Variants in PACSIN2 observed in about 807,000 individuals in gnomAD.
The protein encoded by PACSIN2 is protein kinase C and casein kinase substrate in neurons 2, also known as protein kinase C and casein kinase substrate in neurons protein 2.
Under a neutral mutation model 63.8 loss-of-function variants are expected in PACSIN2, and 25 were observed. The observed-to-expected ratio is 0.39, with a 90% CI of 0.29 to 0.55. The LOEUF is 0.55. Among genes scored for constraint, PACSIN2 ranks in the 20% least tolerant of loss-of-function variants. PACSIN2 has a pLI of 0.62. For synonymous variants in PACSIN2, 255 were observed against 256.2 expected (o/e 1.00, Z 0.05); for missense variants, 518 against 646.9 (o/e 0.80, Z 2.16).
chr22:42,993,291 G>A (rs557580661), intron 1 of PACSIN2, among the ~76,000 whole-genome samples: 15 of 152,344 alleles, frequency 9.8e-5, no homozygotes, highest in Middle Eastern at 3.4e-3. Flanking sequence ...GTGGTGGCCT[G>A]GAAGAAGTGG....
intron 1 of PACSIN2, among the ~76,000 whole-genome samples, chr22:42,936,084 C>T (rs919678291): frequency 3.3e-5 from 5 of 152,010 alleles, no homozygotes; most frequent in Non-Finnish European, 5.9e-5. Flanking sequence ...AACATGGTGG[C>T]GGGTGCCTGT....
intron 1 of PACSIN2, among the ~76,000 whole-genome samples, chr22:42,947,954 G>A (rs576261265): frequency 3.3e-5 from 5 of 152,288 alleles, no homozygotes; most frequent in Admixed American, 6.5e-5. Context: ...TCACAGGGTC[G>A]ATGGACACTT....
intron 1 of PACSIN2, among the ~76,000 whole-genome samples, chr22:42,963,029 C>T (rs1218309810): frequency 2.0e-5 from 3 of 152,200 alleles, no homozygotes; most frequent in African/African-American, 7.2e-5. Context: ...GGACAGAAAC[C>T]GCTCAGGGAA....
At chr22:42,974,187 C>T (rs754426736) in intron 1 of PACSIN2, among the ~76,000 whole-genome samples, 3 of 152,164 alleles carry the variant, frequency 2.0e-5, no homozygotes, top group Admixed American at 6.5e-5. Flanking sequence ...ACTCTGCTTC[C>T]GGTTATCCGC....
At chr22:42,872,196 C>G (rs1042439223) in intron 10 of PACSIN2, among the ~76,000 whole-genome samples, 2 of 152,242 alleles carry the variant, frequency 1.3e-5, no homozygotes, top group Admixed American at 1.3e-4. Flanking sequence ...ACTGATGGAT[C>G]CTGGTCTCAA....
chr22:42,937,984 C>G (rs1601548816), intron 1 of PACSIN2, among the ~76,000 whole-genome samples: 2 of 152,194 alleles, frequency 1.3e-5, no homozygotes, highest in East Asian at 3.8e-4. Context: ...TGATTTTTCC[C>G]AGCTAACTTG....
At chr22:42,922,528 C>T (rs909415147) in intron 1 of PACSIN2, among the ~76,000 whole-genome samples, 1 of 152,262 alleles carries the variant, frequency 6.6e-6, no homozygotes, top group South Asian at 2.1e-4. Flanking sequence ...CTCGCTGCCA[C>T]GGCCCGAGCA....
rs552447387 is a variant in PACSIN2, at chr22:42,985,561, C to T, written c.-78+29460G>A. Reference sequence around the variant, plus strand: ...TGCAACTGAAGACACTGCCTCCAGCCCTCGCTCGGCCAACCCCTGAGAAGG... The same window carrying T: ...TGCAACTGAAGACACTGCCTCCAGCTCTCGCTCGGCCAACCCCTGAGAAGG... On this transcript the variant is annotated intron_variant, in intron 1 of 10. Coordinates refer to ENST00000263246, the MANE Select transcript of PACSIN2 (RefSeq NM_001184970.3). Among the ~76,000 whole-genome samples the T allele has an allele frequency of 4.6e-5, 7 of 152,308 alleles. No homozygotes were observed. In the South Asian group the frequency reaches 1.5e-3, roughly 32 times the overall value.
chr22:42,922,439 C>A (rs1032365258), intron 1 of PACSIN2, among the ~76,000 whole-genome samples: 1 of 152,222 alleles, frequency 6.6e-6, no homozygotes, highest in Non-Finnish European at 1.5e-5. Context: ...CTCATCTCTC[C>A]TGAAAGCTGG....
chr22:42,926,481 C>A (rs552185163), intron 1 of PACSIN2, among the ~76,000 whole-genome samples: 3 of 152,138 alleles, frequency 2.0e-5, no homozygotes, highest in African/African-American at 4.8e-5. Flanking sequence ...ACAGAACTAT[C>A]CACTGCAAAC....
intron 1 of PACSIN2, among the ~76,000 whole-genome samples, chr22:43,005,793 T>A (rs1924053947): frequency 1.3e-5 from 2 of 152,084 alleles, no homozygotes; most frequent in Non-Finnish European, 2.9e-5. Context: ...CAAAATCCTA[T>A]GAGGAAGGGC....
intron 1 of PACSIN2, among the ~76,000 whole-genome samples, chr22:42,999,133 C>G (rs779188063): frequency 2.6e-5 from 4 of 152,202 alleles, no homozygotes; most frequent in African/African-American, 4.8e-5. Context: ...AAGCCGTCCT[C>G]AGACAGGAGG....
chr22:42,876,217 GCGT>G lies in PACSIN2; in HGVS notation c.1265_1267del (p.Asp422del). On this transcript the variant is annotated inframe_deletion, in exon 10 of 11. Coordinates refer to ENST00000263246, the MANE Select transcript of PACSIN2 (RefSeq NM_001184970.3). ...GACTCGCACTTCCGTCCCCGAGGTG[GCGT>G]CGTCGTCGAATGGATTCGAGTCCCC... is the stretch of plus-strand genomic sequence containing the variant. 1.9e-6 allele frequency: 3 copies of G among 1,614,228 alleles called. No homozygotes were observed. The highest frequency in any genetic ancestry group is 2.5e-6 in the Non-Finnish European group (3 of 1,180,042).
intron 1 of PACSIN2, among the ~76,000 whole-genome samples, chr22:42,980,757 G>C (rs1410779432): frequency 2.1e-5 from 2 of 96,406 alleles, no homozygotes; most frequent in Non-Finnish European, 4.2e-5. Flanking sequence ...CCGAGGTGCC[G>C]GGATTGCAGA....
At chr22:42,895,588 C>T (rs570291500) in intron 2 of PACSIN2, among the ~76,000 whole-genome samples, 2 of 152,354 alleles carry the variant, frequency 1.3e-5, no homozygotes, top group South Asian at 2.1e-4. Flanking sequence ...TACCACCCAT[C>T]GGCACACACA....
intron 1 of PACSIN2, among the ~76,000 whole-genome samples, chr22:42,990,557 G>A (rs922379759): frequency 1.3e-5 from 2 of 152,196 alleles, no homozygotes; most frequent in African/African-American, 4.8e-5. Flanking sequence ...AGGGGAAGGT[G>A]AAATTAGAGC....
chr22:42,924,336 G>A (rs778333120), intron 1 of PACSIN2, among the ~76,000 whole-genome samples: 1 of 152,146 alleles, frequency 6.6e-6, no homozygotes, highest in African/African-American at 2.4e-5. Flanking sequence ...TTGTATCTGT[G>A]CTACTGTTTT....
In PACSIN2 at chr22:42,891,051, T is replaced by G; in HGVS notation, c.349A>C (p.Lys117Gln). The change falls in exon 4 of 11, where the codon AAG (lysine) becomes CAG (glutamine). Residue 117 changes from lysine (K) to glutamine (Q), a missense_variant. Transcript: ENST00000263246. ...ATCATCTGCTTGTGAAAGGCTTCCT[T>G]CTGCCAGTTCTTGATCTTCTCGAAG... ...DDFEKIKNWQ[K>Q]EAFHKQMMGG... 1.2e-6 allele frequency: 2 copies of G among 1,614,182 alleles called. No homozygotes were observed. Among genetic ancestry groups the G allele is most frequent in the Non-Finnish European group, 1.7e-6 (2 of 1,180,032 alleles).
At chr22:42,984,607 G>A (rs1030829387) in intron 1 of PACSIN2, among the ~76,000 whole-genome samples, 2 of 152,150 alleles carry the variant, frequency 1.3e-5, no homozygotes, top group Non-Finnish European at 2.9e-5. Flanking sequence ...AAAGGTTCCT[G>A]GTGCAAAAAC....
Sources: allele counts gnomAD v4.1 joint callset (sites outside exome capture counted in the v4.1 genomes callset), GRCh38; gene constraint gnomAD v4.1.1; transcripts MANE v1.5; gene names NCBI Gene and HGNC (gene_info 2026-07-23, HGNC 2026-07-21).